UNC5D: variants seen among roughly 807,000 people sequenced by gnomAD.
UNC5D encodes unc-5 netrin receptor D.
UNC5D carries 39 observed loss-of-function variants against 105.4 expected under a neutral mutation model. That is an observed-to-expected ratio of 0.37 (90% CI 0.29 to 0.48). The LOEUF (loss-of-function observed/expected upper bound fraction) is 0.48. Among genes scored for constraint, UNC5D ranks in the 20% least tolerant of loss-of-function variants. UNC5D has a pLI of 0.98. For missense variants in UNC5D, 991 were observed against 1,202.4 expected (o/e 0.82, Z 2.60); for synonymous variants, 452 against 450.4 (o/e 1.00, Z -0.04).
intron 4 of UNC5D, among the ~76,000 whole-genome samples, chr8:35,659,728 G>C (rs950261899): frequency 6.6e-6 from 1 of 152,248 alleles, no homozygotes; most frequent in African/African-American, 2.4e-5. Flanking sequence ...TGTTCCATGA[G>C]AATGGCTTCT....
intron 4 of UNC5D, among the ~76,000 whole-genome samples, chr8:35,665,300 C>T (rs111691851): frequency 2.0e-5 from 3 of 152,310 alleles, no homozygotes; most frequent in Non-Finnish European, 4.4e-5. Context: ...CTGTCACTGT[C>T]TGCCTTGCTG....
At chr8:35,535,530 C>G (rs1814770337) in intron 1 of UNC5D, among the ~76,000 whole-genome samples, 1 of 151,442 alleles carries the variant, frequency 6.6e-6, no homozygotes, top group Non-Finnish European at 1.5e-5. Flanking sequence ...ACATAAAGCT[C>G]TTTACCAAAC....
intron 1 of UNC5D, among the ~76,000 whole-genome samples, chr8:35,476,484 C>T (rs554925831): frequency 1.3e-5 from 2 of 152,266 alleles, no homozygotes; most frequent in East Asian, 1.9e-4. Context: ...GTATATGATA[C>T]GCCAATAAGG....
chr8:35,491,396 G>A (rs1168362574), intron 1 of UNC5D, among the ~76,000 whole-genome samples: 5 of 152,204 alleles, frequency 3.3e-5, no homozygotes, highest in Admixed American at 2.0e-4. Flanking sequence ...AGGCCAATGG[G>A]TGATAAATTA....
At chr8:35,742,140 A>C (rs1829794320) in intron 11 of UNC5D, among the ~76,000 whole-genome samples, 1 of 152,228 alleles carries the variant, frequency 6.6e-6, no homozygotes, top group Middle Eastern at 3.4e-3. Flanking sequence ...GGCTGATGGG[A>C]AAAGCTGGCT....
At chr8:35,609,051 G>A (rs184620866) in intron 4 of UNC5D, among the ~76,000 whole-genome samples, 77 of 151,974 alleles carry the variant, frequency 5.1e-4, no homozygotes, top group Admixed American at 3.3e-3. Flanking sequence ...CCTTTTCTCC[G>A]CATCTTGTCA....
Position 35,759,487 on chromosome 8 carries a change from T to C in UNC5D, c.2313+18T>C, listed in dbSNP as rs781629354. ...CCTGCCAGGTACTGGCCAAATGGGT[T>C]TCTAACAGAAACGGCTTTGCTTTAA... On this transcript the variant is annotated intron_variant, in intron 14 of 16. Transcript: ENST00000404895. The C allele has an allele frequency of 9.4e-6, 15 of 1,601,222 alleles. No individual in the cohort carries two copies. In the Admixed American group the frequency reaches 2.5e-4, roughly 27 times the overall value.
chr8:35,521,697 A>G (rs1813492383), intron 1 of UNC5D, among the ~76,000 whole-genome samples: 1 of 152,180 alleles, frequency 6.6e-6, no homozygotes, highest in Admixed American at 6.6e-5. Flanking sequence ...GGGAATTTCA[A>G]TTGAATCTTA....
chr8:35,796,347 CAT>C lies in UNC5D; in HGVS notation c.*5791_*5792del, dbSNP rs1354338407. On this transcript the variant is annotated 3_prime_UTR_variant, in exon 17 of 17. Coordinates refer to ENST00000404895, the MANE Select transcript of UNC5D (RefSeq NM_080872.4). ...ATGTACATATCTATAAATATATATA[CAT>C]ATATATTTGGTAATGCCAAACAGCT... 7.4e-6 allele frequency: 1 copy of C among 134,664 alleles called. No homozygotes were observed. The highest frequency in any genetic ancestry group is 1.5e-5 in the Non-Finnish European group (1 of 65,406). The allele number at this position is 134,664 out of a possible 1,614,324, so 8.3% of individuals were successfully genotyped here. A position where few individuals can be genotyped will look rare whatever the true frequency, so the allele number is the denominator to read the frequency against.
chr8:35,722,798 C>A (rs912308483), intron 9 of UNC5D, among the ~76,000 whole-genome samples: 4 of 152,082 alleles, frequency 2.6e-5, no homozygotes, highest in Non-Finnish European at 5.9e-5. Context: ...ATATTTATTA[C>A]CCTATTTATG....
intron 1 of UNC5D, among the ~76,000 whole-genome samples, chr8:35,419,074 G>A (rs1364146867): frequency 6.6e-6 from 1 of 152,182 alleles, no homozygotes; most frequent in Admixed American, 6.5e-5. Flanking sequence ...ACAGCTCTAT[G>A]TGGTTCCCAA....
At chr8:35,555,478 A>G (rs923075586) in intron 2 of UNC5D, among the ~76,000 whole-genome samples, 2 of 152,134 alleles carry the variant, frequency 1.3e-5, no homozygotes, top group Non-Finnish European at 2.9e-5. Context: ...TCAAAGCCTA[A>G]ATCCTTGACC....
chr8:35,629,165 T>G (rs962665420), intron 4 of UNC5D, among the ~76,000 whole-genome samples: 1 of 152,196 alleles, frequency 6.6e-6, no homozygotes, highest in African/African-American at 2.4e-5. Context: ...GTTTTGTGCT[T>G]TAAGTCCAAG....
intron 7 of UNC5D, among the ~76,000 whole-genome samples, chr8:35,690,891 C>G (rs1325352690): frequency 6.6e-6 from 1 of 152,170 alleles, no homozygotes; most frequent in Non-Finnish European, 1.5e-5. Context: ...AATTTTCTTC[C>G]TTGACACTCA....
At chr8:35,665,989 T>TTTTCCTTCTTGAATGGATTATTAGGGATA (rs1563646393) in intron 4 of UNC5D, among the ~76,000 whole-genome samples, 1 of 151,890 alleles carries the variant, frequency 6.6e-6, no homozygotes, top group Non-Finnish European at 1.5e-5. Flanking sequence ...TTGATCATGG[T>TTTTCCTTCTTGAATGGATTATTAGGGATA]TTTCCTTCTT....
intron 1 of UNC5D, among the ~76,000 whole-genome samples, chr8:35,374,623 T>G (rs1802593962): frequency 1.3e-5 from 2 of 152,182 alleles, no homozygotes; most frequent in Admixed American, 6.5e-5. Context: ...AATGCTTATT[T>G]GTTACTGTCT....
chr8:35,604,878 A>G (rs923186508), intron 4 of UNC5D, among the ~76,000 whole-genome samples: 7 of 152,150 alleles, frequency 4.6e-5, no homozygotes, highest in African/African-American at 1.7e-4. Context: ...TTCTCGTGCC[A>G]TGGTTTTCAG....
intron 4 of UNC5D, among the ~76,000 whole-genome samples, chr8:35,645,464 T>G (rs1422014151): frequency 6.6e-6 from 1 of 152,098 alleles, no homozygotes; most frequent in African/African-American, 2.4e-5. Flanking sequence ...AAAAACTGCA[T>G]ACAAATAATA....
At chr8:35,643,131 T>C (rs1434129865) in intron 4 of UNC5D, among the ~76,000 whole-genome samples, 1 of 152,132 alleles carries the variant, frequency 6.6e-6, no homozygotes, top group Admixed American at 6.6e-5. Flanking sequence ...GAAGTCTTTG[T>C]TGTGGGGGGG....
Sources: gnomAD v4.1 joint callset for allele counts (sites outside exome capture counted in the v4.1 genomes callset) on GRCh38, gnomAD v4.1.1 for gene constraint, MANE v1.5 for transcripts, NCBI Gene and HGNC (gene_info 2026-07-23, HGNC 2026-07-21) for gene names.